The following CSTPP1 variants were observed in gnomAD, a reference collection of about 807,000 sequenced individuals.
CSTPP1 encodes the protein centriolar satellite-associated tubulin polyglutamylase complex regulator 1.
chr11:47,089,967 G>A, the CSTPP1 span, among the ~76,000 whole-genome samples: 1 of 152,086 alleles, frequency 6.6e-6, no homozygotes, highest in African/African-American at 2.4e-5. Flanking sequence ...ACAAATAAAT[G>A]GCTTTATACG....
chr11:47,112,086 C>T, the CSTPP1 span, among the ~76,000 whole-genome samples: 1 of 152,124 alleles, frequency 6.6e-6, no homozygotes, highest in African/African-American at 2.4e-5. Context: ...ATTCCCTCTG[C>T]CTGGAATGCT....
chr11:47,052,362 T>C, the CSTPP1 span: 1 of 1,600,730 alleles, frequency 6.2e-7, no homozygotes, highest in South Asian at 1.1e-5. Context: ...CATCTAACAA[T>C]GACTTCTTGA....
chr11:46,973,775 G>GGTGTGTGTGT, the CSTPP1 span, among the ~76,000 whole-genome samples: 36 of 57,690 alleles, frequency 6.2e-4, no homozygotes, highest in African/African-American at 1.7e-3. Flanking sequence ...TATACTGGAG[G>GGTGTGTGTGT]GTGTATGTGT....
the CSTPP1 span, among the ~76,000 whole-genome samples, chr11:47,069,390 G>A: frequency 1.3e-5 from 2 of 152,122 alleles, no homozygotes; most frequent in African/African-American, 2.4e-5. Context: ...GTATGATTTT[G>A]TAGCCCAAAA....
chr11:46,953,297 T>C, the CSTPP1 span, among the ~76,000 whole-genome samples: 1 of 151,286 alleles, frequency 6.6e-6, no homozygotes. Context: ...GGAGAGGGGG[T>C]GATAGCAAGA....
the CSTPP1 span, among the ~76,000 whole-genome samples, chr11:47,002,009 T>G: frequency 6.6e-6 from 1 of 152,146 alleles, no homozygotes; most frequent in Non-Finnish European, 1.5e-5. Context: ...CAAAATGTGG[T>G]GTGGTAAAGT....
the CSTPP1 span, among the ~76,000 whole-genome samples, chr11:47,086,234 C>CAAAAAAACAAAAA: frequency 1.1e-5 from 1 of 89,434 alleles, no homozygotes; most frequent in Non-Finnish European, 2.0e-5. Flanking sequence ...ACTAAAAATC[C>CAAAAAAACAAAAA]AAAAAAAAAA....
At chr11:47,111,868 C>T in the CSTPP1 span, among the ~76,000 whole-genome samples, 4 of 152,060 alleles carry the variant, frequency 2.6e-5, no homozygotes, top group Admixed American at 1.3e-4. Flanking sequence ...TTTCTATGTA[C>T]GATTTTACTG....
the CSTPP1 span, among the ~76,000 whole-genome samples, chr11:47,005,323 GTA>G: frequency 2.6e-5 from 4 of 152,106 alleles, no homozygotes; most frequent in Non-Finnish European, 5.9e-5. Flanking sequence ...AAAATATTAA[GTA>G]TTGTTATAGA....
chr11:47,076,136 T>C, the CSTPP1 span, among the ~76,000 whole-genome samples: 7 of 152,070 alleles, frequency 4.6e-5, no homozygotes, highest in South Asian at 1.2e-3. Flanking sequence ...AGCTCTTGAC[T>C]CAGGAGCACC....
At chr11:47,038,179 G>C in the CSTPP1 span, among the ~76,000 whole-genome samples, 1 of 97,466 alleles carries the variant, frequency 1.0e-5, no homozygotes, top group Non-Finnish European at 2.6e-5. Flanking sequence ...CCTCCCAGAC[G>C]GGGCGGCTGG....
the CSTPP1 span, among the ~76,000 whole-genome samples, chr11:47,003,491 CT>C: frequency 6.6e-6 from 1 of 152,182 alleles, no homozygotes; most frequent in African/African-American, 2.4e-5. Context: ...GTTTGTCTGT[CT>C]CTCAGCTCCC....
At chr11:47,033,455 G>A in the CSTPP1 span, among the ~76,000 whole-genome samples, 1 of 152,250 alleles carries the variant, frequency 6.6e-6, no homozygotes, top group Admixed American at 6.5e-5. Flanking sequence ...TTCTGGCACT[G>A]GTTCAGAAGC....
At chr11:47,049,651 A>G in the CSTPP1 span, among the ~76,000 whole-genome samples, 1 of 151,792 alleles carries the variant, frequency 6.6e-6, no homozygotes, top group Non-Finnish European at 1.5e-5. Context: ...GGGAAAAACA[A>G]TGTAGATAAA....
chr11:47,137,872 C>A, the CSTPP1 span: 1 of 737,194 alleles, frequency 1.4e-6, no homozygotes. Context: ...GGGATGTGCC[C>A]CAAAACATAA....
the CSTPP1 span, among the ~76,000 whole-genome samples, chr11:47,043,601 A>G: frequency 2.0e-5 from 3 of 152,228 alleles, no homozygotes; most frequent in Admixed American, 1.3e-4. Context: ...CTGAAATTCT[A>G]AAATACATGA....
the CSTPP1 span, among the ~76,000 whole-genome samples, chr11:46,974,948 A>T: frequency 1.3e-5 from 2 of 151,940 alleles, no homozygotes; most frequent in Non-Finnish European, 2.9e-5. Context: ...TAGGGAAGAA[A>T]CCAAAGAAAA....
At chr11:46,974,539 AAAAG>A in the CSTPP1 span, among the ~76,000 whole-genome samples, 10 of 149,740 alleles carry the variant, frequency 6.7e-5, no homozygotes, top group South Asian at 1.5e-3. Flanking sequence ...AAAAAAAAAA[AAAAG>A]AAAGAAAAAG....
At chr11:46,964,674 CTT>C in the CSTPP1 span, among the ~76,000 whole-genome samples, 1 of 152,132 alleles carries the variant, frequency 6.6e-6, no homozygotes, top group Non-Finnish European at 1.5e-5. Flanking sequence ...TTCAGGATCT[CTT>C]TACACTTTTA....
Sources: allele counts gnomAD v4.1 joint callset (sites outside exome capture counted in the v4.1 genomes callset), GRCh38; gene constraint gnomAD v4.1.1; transcripts MANE v1.5; gene names NCBI Gene and HGNC (gene_info 2026-07-23, HGNC 2026-07-21).